The following CRTC3 variants were observed in gnomAD, a reference collection of about 807,000 sequenced individuals.
The protein encoded by CRTC3 is CREB regulated transcription coactivator 3.
CRTC3 carries 26 observed loss-of-function variants against 74.5 expected under a neutral mutation model. That is an observed-to-expected ratio of 0.35 (90% CI 0.26 to 0.48). The LOEUF (loss-of-function observed/expected upper bound fraction) is 0.48. CRTC3 is among the 20% of genes least tolerant of loss of function. CRTC3 has a pLI of 0.99. For synonymous variants in CRTC3, 377 were observed against 325.8 expected, an observed-to-expected ratio of 1.16 and a Z score of -1.69; for missense variants, 760 against 787.3, an observed-to-expected ratio of 0.97 and a Z score of 0.41.
chr15:90,626,893 G>A lies in CRTC3; in HGVS notation c.967+900G>A, dbSNP rs145462110. Among the ~76,000 whole-genome samples, 12 of 152,376 alleles carry A rather than the reference G, an allele frequency of 7.9e-5. No homozygotes were observed. The East Asian group carries it at 2.3e-3, about 29-fold the overall frequency. ...GCCTCCCAAAGTGCTGGGATTACAG[G>A]CGTGAGCCACCACTGACATACCCTT... On this transcript the variant is annotated intron_variant, in intron 10 of 14. Coordinates refer to ENST00000268184, the MANE Select transcript of CRTC3 (RefSeq NM_022769.5).
chr15:90,547,256 G>A (rs968269425), intron 2 of CRTC3, among the ~76,000 whole-genome samples: 1 of 152,232 alleles, frequency 6.6e-6, no homozygotes, highest in Admixed American at 6.5e-5. Context: ...TCTGCTCTCA[G>A]CAATTTGCAA....
intron 1 of CRTC3, among the ~76,000 whole-genome samples, chr15:90,539,297 A>C (rs1428407217): frequency 6.6e-6 from 1 of 152,232 alleles, no homozygotes; most frequent in Admixed American, 6.5e-5. Context: ...ACTTACAAAG[A>C]AAAGCATATT....
chr15:90,605,141 A>G (rs1227900524), intron 5 of CRTC3, among the ~76,000 whole-genome samples: 1 of 151,464 alleles, frequency 6.6e-6, no homozygotes, highest in African/African-American at 2.4e-5. Flanking sequence ...GGTTCGAGCT[A>G]CTCAGGAGGC....
chr15:90,631,963 C>T (rs1037902702), intron 11 of CRTC3, among the ~76,000 whole-genome samples: 13 of 151,762 alleles, frequency 8.6e-5, no homozygotes, highest in East Asian at 2.0e-4. Flanking sequence ...TGCAGTGGCG[C>T]GATCACAGCT....
intron 2 of CRTC3, among the ~76,000 whole-genome samples, chr15:90,566,432 C>T (rs953082579): frequency 4.0e-5 from 6 of 151,576 alleles, no homozygotes; most frequent in Admixed American, 6.6e-5. Flanking sequence ...TGCCTGTAGT[C>T]GTAGCTACTT....
At chr15:90,598,682 TG>T in intron 3 of CRTC3, 1 of 608,002 alleles carries the variant, frequency 1.6e-6, no homozygotes, top group East Asian at 2.8e-5. Flanking sequence ...GAATTTGAGC[TG>T]TCTTGGGTAC....
chr15:90,640,039 A>G (rs147218386), intron 13 of CRTC3, among the ~76,000 whole-genome samples: 3,037 of 151,924 alleles, frequency 0.02, 119 homozygotes, highest in African/African-American at 0.07. Flanking sequence ...ACAAAGCAAG[A>G]CTCTGTCTCA....
chr15:90,574,432 C>T (rs927159021), intron 2 of CRTC3, among the ~76,000 whole-genome samples: 3 of 152,066 alleles, frequency 2.0e-5, no homozygotes, highest in Non-Finnish European at 2.9e-5. Flanking sequence ...GAGCCGAGAT[C>T]GCGCCACTGT....
At chr15:90,566,561 A>AAAAG (rs1555448000) in intron 2 of CRTC3, among the ~76,000 whole-genome samples, 1 of 150,838 alleles carries the variant, frequency 6.6e-6, no homozygotes, top group Non-Finnish European at 1.5e-5. Context: ...TAAAAAAAAA[A>AAAAG]AAGAGGAAGA....
intron 2 of CRTC3, among the ~76,000 whole-genome samples, chr15:90,549,052 C>G (rs1410769805): frequency 6.6e-6 from 1 of 152,176 alleles, no homozygotes; most frequent in Non-Finnish European, 1.5e-5. Flanking sequence ...TTACAGAAAA[C>G]TGGTTACATC....
chr15:90,629,524 A>T lies in CRTC3; in HGVS notation c.1258A>T (p.Thr420Ser), dbSNP rs571087529. ...SSTSPLAPYP[T>S]SQMVSSDRSQ... Reference sequence around the variant, plus strand: ...AACCAGCCCACTGGCCCCATATCCTACCTCCCAGGTAAACACACACAGACA... The same window carrying T: ...AACCAGCCCACTGGCCCCATATCCTTCCTCCCAGGTAAACACACACAGACA... The change falls in exon 11 of 15, where the codon ACC becomes TCC. Residue 420 changes from threonine to serine, a missense_variant. Transcript: ENST00000268184. 1 of 1,613,106 alleles carries T rather than the reference A, an allele frequency of 6.2e-7. No individual in the cohort carries two copies. The highest frequency in any genetic ancestry group is 8.5e-7 in the Non-Finnish European group (1 of 1,179,662).
intron 6 of CRTC3, among the ~76,000 whole-genome samples, chr15:90,611,612 C>T (rs1186606607): frequency 2.0e-5 from 3 of 152,130 alleles, no homozygotes; most frequent in Non-Finnish European, 4.4e-5. Flanking sequence ...CAGCCCAGAC[C>T]CTGAGAGTTG....
At chr15:90,565,153 G>A (rs1967096829) in intron 2 of CRTC3, among the ~76,000 whole-genome samples, 1 of 152,094 alleles carries the variant, frequency 6.6e-6, no homozygotes, top group South Asian at 2.1e-4. Flanking sequence ...TCTCCATGTT[G>A]GTCAGGCTGG....
intron 2 of CRTC3, among the ~76,000 whole-genome samples, chr15:90,569,842 T>C (rs1034535711): frequency 6.6e-6 from 1 of 152,164 alleles, no homozygotes; most frequent in Non-Finnish European, 1.5e-5. Flanking sequence ...GATGTTAAGA[T>C]AGTAATATTA....
chr15:90,638,633 T>C lies in CRTC3; in HGVS notation c.1454T>C (p.Leu485Pro), dbSNP rs986298292. The change falls in exon 12 of 15, where the codon CTT becomes CCT. Residue 485 changes from leucine (L) to proline (P), a missense_variant. Coordinates refer to ENST00000268184, the MANE Select transcript of CRTC3 (RefSeq NM_022769.5). Reference sequence around the variant, plus strand: ...TCACTGCCACAGTCAGACTTTCAGCTTCTCCCGGCCCAGGTGAGTTCTGGC... The same window carrying C: ...TCACTGCCACAGTCAGACTTTCAGCCTCTCCCGGCCCAGGTGAGTTCTGGC... ...ASSLPQSDFQ[L>P]LPAQGSSLTN... 3 of 1,613,732 alleles carry C rather than the reference T, an allele frequency of 1.9e-6. No individual in the cohort carries two copies. Among genetic ancestry groups the C allele is most frequent in the South Asian group, 1.1e-5 (1 of 91,082 alleles).
rs547291523 is a variant in CRTC3, at chr15:90,603,345, A to T, written c.413+960A>T. Among the ~76,000 whole-genome samples, 201 of 151,276 alleles carry T rather than the reference A, an allele frequency of 1.3e-3. 1 individual carries two copies. The highest frequency in any genetic ancestry group is 2.1e-3 in the Non-Finnish European group (140 of 67,816). ...GTAGTCCCAGCTACTCGGGAGGCTG[A>T]GGCAGGAGAATGGCGTGAACCCAGG... is the stretch of plus-strand genomic sequence containing the variant. On this transcript the variant is annotated intron_variant, in intron 4 of 14. Transcript: ENST00000268184.
At chr15:90,539,848 G>A in intron 1 of CRTC3, 191 bp from the exon 2 acceptor site, 1 of 572,874 alleles carries the variant, frequency 1.7e-6, no homozygotes, top group Non-Finnish European at 3.1e-6. Flanking sequence ...ACATGGGTAA[G>A]CTCTTTCCGA....
chr15:90,551,930 GCACACACACACACGCA>G (rs1966858678), intron 2 of CRTC3, among the ~76,000 whole-genome samples: 4 of 93,894 alleles, frequency 4.3e-5, no homozygotes, highest in African/African-American at 2.0e-4. Context: ...TTACACACAC[GCACACACACACACGCA>G]CACACACACA....
In CRTC3 at chr15:90,620,629, G is replaced by A. The variant is rs140935377; in HGVS notation, c.749+839G>A. 4.7e-4 allele frequency among the ~76,000 whole-genome samples: 72 copies of A among 152,194 alleles called. 1 individual carries two copies. In the East Asian group the frequency reaches 0.012, roughly 26 times the overall value. ...TCACAGAGAGGACCCCTTGGAACTC[G>A]ATGGGCTGTGTCCTGAGAGAGCCCC... On this transcript the variant is annotated intron_variant, in intron 9 of 14. Transcript: ENST00000268184.
Sources: gnomAD v4.1 joint callset for allele counts (sites outside exome capture counted in the v4.1 genomes callset) on GRCh38, gnomAD v4.1.1 for gene constraint, MANE v1.5 for transcripts, NCBI Gene and HGNC (gene_info 2026-07-23, HGNC 2026-07-21) for gene names.